AGPAT4: variants seen among roughly 807,000 people sequenced by gnomAD.
AGPAT4 encodes the protein 1-acyl-sn-glycerol-3-phosphate acyltransferase delta.
In AGPAT4, 15 loss-of-function variants were observed where a neutral mutation model predicts 48.0. That is an observed-to-expected ratio of 0.31 (90% CI 0.21 to 0.48). AGPAT4 has a LOEUF of 0.48. Among genes scored for constraint, AGPAT4 ranks in the 20% least tolerant of loss-of-function variants. The pLI is 0.99. For missense variants in AGPAT4, 314 were observed against 482.5 expected, an observed-to-expected ratio of 0.65 and a Z score of 3.27; for synonymous variants, 178 against 198.7, an observed-to-expected ratio of 0.90 and a Z score of 0.88.
intron 1 of AGPAT4, among the ~76,000 whole-genome samples, chr6:161,241,263 CAAAAAAAA>C (rs61634719): frequency 1.1e-5 from 1 of 90,502 alleles, no homozygotes; most frequent in South Asian, 3.9e-4. Flanking sequence ...AACTCTGTCT[CAAAAAAAA>C]AAAAAAAAAA....
intron 5 of AGPAT4, among the ~76,000 whole-genome samples, chr6:161,152,720 C>T (rs76882398): frequency 0.041 from 6,224 of 152,202 alleles, 417 homozygotes; most frequent in African/African-American, 0.14. Flanking sequence ...AAGTGCTTTG[C>T]CTGAGAAGGA....
In AGPAT4 at chr6:161,195,560, A is replaced by G. The variant is rs542724138; in HGVS notation, c.179-29143T>C. ...CACTTCATGTAACAGTTCACTCAGC[A>G]AGCCCATGATGCCTGTAGTATAAAA... On this transcript the variant is annotated intron_variant, in intron 2 of 8. Coordinates refer to ENST00000320285, the MANE Select transcript of AGPAT4 (RefSeq NM_020133.3). The surrounding 1 kb of genome is among the most constrained non-coding windows in gnomAD (Gnocchi z 5.0). 6.6e-6 allele frequency among the ~76,000 whole-genome samples: 1 copy of G among 152,354 alleles called. No individual in the cohort carries two copies. Among genetic ancestry groups the G allele is most frequent in the African/African-American group, 2.4e-5 (1 of 41,584 alleles).
intron 2 of AGPAT4, among the ~76,000 whole-genome samples, chr6:161,209,142 C>A (rs1019598683): frequency 6.6e-6 from 1 of 152,204 alleles, no homozygotes; most frequent in Non-Finnish European, 1.5e-5. Flanking sequence ...CATTCCTCAT[C>A]GAAGTGGAAC....
intron 2 of AGPAT4, among the ~76,000 whole-genome samples, chr6:161,181,508 G>A (rs1780590243): frequency 7.9e-6 from 1 of 125,868 alleles, no homozygotes; most frequent in South Asian, 2.4e-4. Context: ...GGTAGCAGGG[G>A]GCGGGGGGCG....
Position 161,222,452 on chromosome 6 carries a change from T to TAAAAATTTATAAA in AGPAT4, c.178+9583_178+9584insTTTATAAATTTTT, listed in dbSNP as rs1178163139. On this transcript the variant is annotated intron_variant, in intron 2 of 8. Transcript: ENST00000320285. The surrounding 1 kb of genome is among the most constrained non-coding windows in gnomAD (Gnocchi z 5.9). ...TTCCAGTCTATATTTATAAAATTGG[T>TAAAAATTTATAAA]ATTAGAATGTACCAAGAGTTTTGTA... Among the ~76,000 whole-genome samples, 5 of 152,190 alleles carry TAAAAATTTATAAA rather than the reference T, an allele frequency of 3.3e-5. No individual in the cohort carries two copies. Among genetic ancestry groups the TAAAAATTTATAAA allele is most frequent in the Non-Finnish European group, 7.4e-5 (5 of 68,024 alleles).
chr6:161,188,874 C>T (rs1780847779), intron 2 of AGPAT4, among the ~76,000 whole-genome samples: 1 of 152,160 alleles, frequency 6.6e-6, no homozygotes, highest in Admixed American at 6.5e-5. Context: ...GCATCGCTAT[C>T]TCATTTCACC....
Position 161,244,459 on chromosome 6 carries a change from C to G in AGPAT4, c.-89-12157G>C, listed in dbSNP as rs1782594573. 6.6e-6 allele frequency among the ~76,000 whole-genome samples: 1 copy of G among 152,142 alleles called. No individual in the cohort carries two copies. Among genetic ancestry groups the G allele is most frequent in the South Asian group, 2.1e-4 (1 of 4,824 alleles). ...CGAAATTTAAAATGTTGGCAGTTTCCTTAAGCTTATTTCATCATTTAGTAT... is the reference window on the plus strand; with the variant it reads ...CGAAATTTAAAATGTTGGCAGTTTCGTTAAGCTTATTTCATCATTTAGTAT... On this transcript the variant is annotated intron_variant, in intron 1 of 8. Coordinates refer to ENST00000320285, the MANE Select transcript of AGPAT4 (RefSeq NM_020133.3). The surrounding 1 kb of genome is among the most constrained non-coding windows in gnomAD (Gnocchi z 4.7).
rs377016974 is a variant in AGPAT4 at position 161,262,207 on chromosome 6, T to TAA, written c.-90+11729_-90+11730dup. On this transcript the variant is annotated intron_variant, in intron 1 of 8. Transcript: ENST00000320285. This position sits in a 1 kb window ranked among gnomAD's most constrained non-coding sequence, Gnocchi z 4.9. ...TCAGCCCATAATCATTTATAGAACT[T>TAA]AAAAAAAAATGAGCCTGAATTGGTT... 6.6e-6 allele frequency among the ~76,000 whole-genome samples: 1 copy of TAA among 150,966 alleles called. No individual in the cohort carries two copies. Among genetic ancestry groups the TAA allele is most frequent in the Non-Finnish European group, 1.5e-5 (1 of 67,684 alleles).
At chr6:161,263,860 A>G (rs1036037628) in intron 1 of AGPAT4, among the ~76,000 whole-genome samples, 1 of 152,234 alleles carries the variant, frequency 6.6e-6, no homozygotes, top group Non-Finnish European at 1.5e-5. Context: ...GGAAAATTTC[A>G]GGAAAGGCAA....
In AGPAT4 at chr6:161,171,189, C is replaced by T. The variant is rs1562322825; in HGVS notation, c.179-4772G>A. Reference sequence around the variant, plus strand: ...TTTCAGGTTGCAATCCTGTAACTAGCGTTACAATGCCAGGAGCCCTACGAG... The same window carrying T: ...TTTCAGGTTGCAATCCTGTAACTAGTGTTACAATGCCAGGAGCCCTACGAG... On this transcript the variant is annotated intron_variant, in intron 2 of 8. Transcript: ENST00000320285. The surrounding 1 kb of genome is among the most constrained non-coding windows in gnomAD (Gnocchi z 4.4). Among the ~76,000 whole-genome samples the T allele has an allele frequency of 1.3e-5, 2 of 152,166 alleles. No homozygotes were observed. The highest frequency in any genetic ancestry group is 6.5e-5 in the Admixed American group (1 of 15,280).
chr6:161,166,525 C>G lies in AGPAT4; in HGVS notation c.179-108G>C, dbSNP rs939343051. ...CAGCTAGGGGAGAAAGCAACTTCTA[C>G]GGGCAAAGTTCTGGATCGTTGCAGC... On this transcript the variant is annotated intron_variant, in intron 2 of 8. Coordinates refer to ENST00000320285, the MANE Select transcript of AGPAT4 (RefSeq NM_020133.3). The surrounding 1 kb of genome is among the most constrained non-coding windows in gnomAD (Gnocchi z 6.7). 1 of 1,333,874 alleles carries G rather than the reference C, an allele frequency of 7.5e-7. No individual in the cohort carries two copies. The highest frequency in any genetic ancestry group is 1.4e-5 in the South Asian group (1 of 69,414). 82.6% of individuals were successfully genotyped at this position (1,333,874 alleles called of 1,614,324 possible). A position where few individuals can be genotyped will look rare whatever the true frequency, so the allele number is the denominator to read the frequency against.
chr6:161,160,611 G>A (rs1779899926), intron 3 of AGPAT4: 1 of 208,016 alleles, frequency 4.8e-6, no homozygotes, highest in Admixed American at 5.2e-5. Context: ...ATGCAGATGT[G>A]CGGAGAGGAG....
intron 1 of AGPAT4, among the ~76,000 whole-genome samples, chr6:161,237,730 T>A (rs1200510968): frequency 6.6e-6 from 1 of 152,202 alleles, no homozygotes; most frequent in East Asian, 1.9e-4. Context: ...GCTGATCTCC[T>A]TTTCTTCTCT....
At chr6:161,185,261 T>C (rs893514070) in intron 2 of AGPAT4, among the ~76,000 whole-genome samples, 1 of 151,336 alleles carries the variant, frequency 6.6e-6, no homozygotes, top group Non-Finnish European at 1.5e-5. Flanking sequence ...ATAATGACAT[T>C]CTGATTATGT....
intron 2 of AGPAT4, among the ~76,000 whole-genome samples, chr6:161,213,239 GC>G (rs558498955): frequency 5.1e-4 from 78 of 152,256 alleles, no homozygotes; most frequent in African/African-American, 1.8e-3. Context: ...TTCCATCAAA[GC>G]CAATTTAAAA....
rs1443720599 is a variant in AGPAT4 at position 161,161,820 on chromosome 6, A to C, written c.348+4428T>G. ...AGGTATATCAATTGCTATCGTTGTC[A>C]TGATCGAAAATCCTTCGTTTAAAGA... is the stretch of plus-strand genomic sequence containing the variant. On this transcript the variant is annotated intron_variant, in intron 3 of 8. Transcript: ENST00000320285. This position sits in a 1 kb window ranked among gnomAD's most constrained non-coding sequence, Gnocchi z 4.6. 3.5e-6 allele frequency: 1 copy of C among 282,164 alleles called. No homozygotes were observed. The highest frequency in any genetic ancestry group is 2.2e-5 in the African/African-American group (1 of 46,048). The allele number at this position is 282,164 out of a possible 1,614,324, so 17.5% of individuals were successfully genotyped here.
At chr6:161,239,549 G>C (rs1340261410) in intron 1 of AGPAT4, among the ~76,000 whole-genome samples, 1 of 152,128 alleles carries the variant, frequency 6.6e-6, no homozygotes, top group African/African-American at 2.4e-5. Context: ...TGTAGAAAAG[G>C]CAAAACTTCC....
chr6:161,188,682 C>T (rs1780838072), intron 2 of AGPAT4, among the ~76,000 whole-genome samples: 1 of 152,134 alleles, frequency 6.6e-6, no homozygotes. Flanking sequence ...TTTGTTAAAT[C>T]TGGCGATTCC....
At position 161,246,751 on chromosome 6, in the gene AGPAT4, A is replaced by G. The variant is rs993554128; in HGVS notation, c.-89-14449T>C. Among the ~76,000 whole-genome samples, 2 of 152,218 alleles carry G rather than the reference A, an allele frequency of 1.3e-5. No individual in the cohort carries two copies. Among genetic ancestry groups the G allele is most frequent in the Non-Finnish European group, 2.9e-5 (2 of 68,044 alleles). On this transcript the variant is annotated intron_variant, in intron 1 of 8. Coordinates refer to ENST00000320285, the MANE Select transcript of AGPAT4 (RefSeq NM_020133.3). This position sits in a 1 kb window ranked among gnomAD's most constrained non-coding sequence, Gnocchi z 5.5. ...TAAACTAAAGCACTTACTGAGTAAT[A>G]TACCCTGGGCCGGGATGACTTCCAC... is the stretch of plus-strand genomic sequence containing the variant.
Sources: allele counts gnomAD v4.1 joint callset (sites outside exome capture counted in the v4.1 genomes callset), GRCh38; gene constraint gnomAD v4.1.1; non-coding constraint Gnocchi (gnomAD v3.1); transcripts MANE v1.5; gene names NCBI Gene and HGNC (gene_info 2026-07-23, HGNC 2026-07-21).